The following CFAP54 variants were observed in gnomAD, a reference collection of about 807,000 sequenced individuals.
CFAP54 encodes cilia- and flagella-associated protein 54.
Under a neutral mutation model 370.4 loss-of-function variants are expected in CFAP54, and 290 were observed. The ratio of observed to expected loss-of-function variants is 0.78; its 90% CI spans 0.71 to 0.86. The LOEUF is 0.86. Among genes scored for constraint, CFAP54 ranks in the 40% least tolerant of loss-of-function variants. The probability of loss-of-function intolerance (pLI) is 0.00; values close to 1 mark genes in which losing one functional copy is unlikely to be tolerated. For missense variants in CFAP54, 3,399 were observed against 3,528.7 expected, an observed-to-expected ratio of 0.96 and a Z score of 0.93; for synonymous variants, 1,206 against 1,236.5, an observed-to-expected ratio of 0.98 and a Z score of 0.52.
chr12:96,747,355 T>C (rs946000551), intron 55 of CFAP54, among the ~76,000 whole-genome samples: 1 of 152,232 alleles, frequency 6.6e-6, no homozygotes, highest in African/African-American at 2.4e-5. Context: ...TTATGGATGA[T>C]GTTTATTGTC....
chr12:96,683,350 A>G (rs770101823), intron 40 of CFAP54, among the ~76,000 whole-genome samples: 2 of 152,248 alleles, frequency 1.3e-5, no homozygotes, highest in East Asian at 1.9e-4. Context: ...TACTATCAAC[A>G]TGGTTAAGTT....
chr12:96,535,034 G>A, intron 11 of CFAP54, among the ~76,000 whole-genome samples: 1 of 150,212 alleles, frequency 6.7e-6, no homozygotes, highest in Non-Finnish European at 1.5e-5. Context: ...GTGTGTGTGT[G>A]TGTGTGTGTG....
intron 65 of CFAP54, among the ~76,000 whole-genome samples, chr12:96,826,366 T>TCTACAA (rs1959102828): frequency 7.3e-6 from 1 of 137,016 alleles, no homozygotes; most frequent in African/African-American, 2.7e-5. Context: ...ATACATATAG[T>TCTACAA]TATATATATT....
intron 23 of CFAP54, among the ~76,000 whole-genome samples, chr12:96,592,026 C>T (rs1041570827): frequency 6.6e-6 from 1 of 151,760 alleles, no homozygotes; most frequent in African/African-American, 2.4e-5. Context: ...TACTGAAGCC[C>T]AGCTCCTAGT....
intron 23 of CFAP54, among the ~76,000 whole-genome samples, chr12:96,590,185 G>T (rs542864310): frequency 6.6e-6 from 1 of 152,308 alleles, no homozygotes; most frequent in South Asian, 2.1e-4. Flanking sequence ...TTTTATACCA[G>T]GGAAAGGTCA....
chr12:96,489,687 G>T lies in CFAP54; in HGVS notation c.78G>T (p.Pro26=). ...CGGGGTCTCTGCCAGAACTGCCGCC[G>T]ACCTCCACCGCGACTTCGAGGTCGC... ...TTSGSLPELP[P]TSTATSRSPP... Residue 26 remains proline (P), a synonymous_variant, in exon 1 of 68, where the codon CCG becomes CCT. Coordinates refer to ENST00000524981, the MANE Select transcript of CFAP54 (RefSeq NM_001306084.2). 6.5e-7 allele frequency: 1 copy of T among 1,535,856 alleles called. No homozygotes were observed.
At chr12:96,584,528 A>C (rs1278455806) in intron 22 of CFAP54, among the ~76,000 whole-genome samples, 1 of 152,036 alleles carries the variant, frequency 6.6e-6, no homozygotes, top group Admixed American at 6.6e-5. Flanking sequence ...CCTCTAACTG[A>C]AGATTACCAC....
At chr12:96,684,331 A>G (rs1289749136) in intron 40 of CFAP54, among the ~76,000 whole-genome samples, 1 of 152,056 alleles carries the variant, frequency 6.6e-6, no homozygotes, top group Non-Finnish European at 1.5e-5. Context: ...CATCATTCCT[A>G]TACATACCCA....
At chr12:96,635,167 T>G (rs1956651045) in intron 32 of CFAP54, among the ~76,000 whole-genome samples, 2 of 152,224 alleles carry the variant, frequency 1.3e-5, no homozygotes, top group Non-Finnish European at 2.9e-5. Flanking sequence ...AGAATAAACT[T>G]GTCTATAATA....
At chr12:96,625,643 A>T in intron 28 of CFAP54, 75 bp from the exon 29 acceptor site, 1 of 819,034 alleles carries the variant, frequency 1.2e-6, no homozygotes, top group Non-Finnish European at 1.9e-6. Context: ...AAGAATTGTT[A>T]TTGTGAATTA....
At chr12:96,871,688 AT>A in intron 67 of CFAP54, among the ~76,000 whole-genome samples, 1 of 152,270 alleles carries the variant, frequency 6.6e-6, no homozygotes, top group South Asian at 2.1e-4. Context: ...GAGATGGGGG[AT>A]ATCAGGATAC....
chr12:96,530,933 G>T (rs1312083051), intron 9 of CFAP54, among the ~76,000 whole-genome samples: 1 of 152,134 alleles, frequency 6.6e-6, no homozygotes, highest in Non-Finnish European at 1.5e-5. Flanking sequence ...GGCTAAAGAT[G>T]TTAAACAGTT....
intron 63 of CFAP54, among the ~76,000 whole-genome samples, chr12:96,803,530 G>A (rs1336913002): frequency 2.0e-5 from 3 of 152,038 alleles, no homozygotes; most frequent in East Asian, 1.9e-4. Flanking sequence ...GGGTCTGGAG[G>A]CGGCTTAGTT....
At chr12:96,683,516 G>A (rs1164712881) in intron 40 of CFAP54, among the ~76,000 whole-genome samples, 5 of 152,212 alleles carry the variant, frequency 3.3e-5, no homozygotes, top group African/African-American at 9.6e-5. Flanking sequence ...GAAGTTCGAT[G>A]TGAATTCAGA....
Position 96,534,227 on chromosome 12 carries a change from GGTAA to G in CFAP54, c.1705+4_1705+7del, listed in dbSNP as rs1565887566. The G allele has an allele frequency of 5.7e-6, 8 of 1,404,004 alleles. No individual in the cohort carries two copies. The Admixed American group carries it at 7.0e-5, about 12-fold the overall frequency. The allele number at this position is 1,404,004 out of a possible 1,614,324, so 87.0% of individuals were successfully genotyped here. On this transcript the variant is annotated splice_donor_variant and splice_donor_region_variant and intron_variant, in intron 11 of 67. Coordinates refer to ENST00000524981, the MANE Select transcript of CFAP54 (RefSeq NM_001306084.2). LOFTEE classifies it high-confidence loss of function. ...TTATTTAAAAAAAATTGCTGTTCATGGTAAGTATTTATTTGTTTGTTCAAAAAAT... is the reference window on the plus strand; with the variant it reads ...TTATTTAAAAAAAATTGCTGTTCATGGTATTTATTTGTTTGTTCAAAAAAT...
At chr12:96,796,604 C>G (rs1315884341) in intron 63 of CFAP54, among the ~76,000 whole-genome samples, 1 of 152,104 alleles carries the variant, frequency 6.6e-6, no homozygotes, top group Non-Finnish European at 1.5e-5. Context: ...AATATCTTCT[C>G]TGGTAGTTTG....
At chr12:96,598,868 C>A (rs1187553024) in intron 26 of CFAP54, 101 bp downstream of exon 26, 3 of 399,128 alleles carry the variant, frequency 7.5e-6, no homozygotes, top group African/African-American at 4.1e-5. Context: ...AAAAATGGCA[C>A]CCTAAAAGCA....
intron 45 of CFAP54, among the ~76,000 whole-genome samples, chr12:96,696,288 A>G (rs908725610): frequency 1.3e-5 from 2 of 152,214 alleles, no homozygotes; most frequent in Admixed American, 6.5e-5. Context: ...TTGAATTCCC[A>G]ACTCTGAAGA....
chr12:96,804,488 G>A (rs987588239), intron 63 of CFAP54, among the ~76,000 whole-genome samples: 5 of 152,050 alleles, frequency 3.3e-5, no homozygotes, highest in East Asian at 1.9e-4. Context: ...TGATCTAACC[G>A]AGGACCAAAT....
Sources: gnomAD v4.1 joint callset for allele counts (sites outside exome capture counted in the v4.1 genomes callset) on GRCh38, gnomAD v4.1.1 for gene constraint, MANE v1.5 for transcripts, NCBI Gene and HGNC (gene_info 2026-07-23, HGNC 2026-07-21) for gene names.